SENP6: variants seen among roughly 807,000 people sequenced by gnomAD.
SENP6 encodes sentrin-specific protease 6.
SENP6 carries 41 observed loss-of-function variants against 134.5 expected under a neutral mutation model. The ratio of observed to expected loss-of-function variants is 0.30; its 90% CI spans 0.24 to 0.40. The LOEUF (loss-of-function observed/expected upper bound fraction) is 0.40. SENP6 is among the 10% of genes least tolerant of loss of function. The pLI is 1.00. For synonymous variants in SENP6, 395 were observed against 429.8 expected (o/e 0.92, Z 1.00); for missense variants, 1,248 against 1,312.5 (o/e 0.95, Z 0.76).
At chr6:75,645,976 A>G (rs1392662484) in intron 6 of SENP6, among the ~76,000 whole-genome samples, 1 of 152,238 alleles carries the variant, frequency 6.6e-6, no homozygotes, top group Non-Finnish European at 1.5e-5. Context: ...AAGATGGCTC[A>G]GTACACAAGT....
intron 18 of SENP6, among the ~76,000 whole-genome samples, chr6:75,699,637 G>T (rs1414226897): frequency 2.0e-5 from 3 of 151,800 alleles, no homozygotes; most frequent in Non-Finnish European, 4.4e-5. Context: ...ATAGGTGCAT[G>T]CTACCACGCC....
At chr6:75,622,538 G>A (rs1408066876) in intron 2 of SENP6, among the ~76,000 whole-genome samples, 1 of 152,148 alleles carries the variant, frequency 6.6e-6, no homozygotes, top group Non-Finnish European at 1.5e-5. Flanking sequence ...CAGCCTGGGC[G>A]ACAGAGTAAG....
At chr6:75,617,480 C>T (rs1335019249) in intron 1 of SENP6, among the ~76,000 whole-genome samples, 2 of 151,804 alleles carry the variant, frequency 1.3e-5, no homozygotes, top group African/African-American at 4.8e-5. Flanking sequence ...CCACGTTGGT[C>T]AGGCTGGTCT....
chr6:75,621,359 T>G (rs1419536642), intron 1 of SENP6, among the ~76,000 whole-genome samples, 173 bp from the exon 2 acceptor site: 3 of 152,224 alleles, frequency 2.0e-5, no homozygotes, highest in Non-Finnish European at 4.4e-5. Context: ...AAAAACAGAT[T>G]TTAATGTCTT....
At chr6:75,651,552 G>T (rs715091) in intron 7 of SENP6, among the ~76,000 whole-genome samples, 1 of 151,984 alleles carries the variant, frequency 6.6e-6, no homozygotes, top group African/African-American at 2.4e-5. Flanking sequence ...AGGTTTCACC[G>T]TGTTGCCCAG....
In SENP6 at chr6:75,713,540, C is replaced by G. The variant is rs374400367; in HGVS notation, c.2937C>G (p.Leu979=). Residue 979 remains leucine (L), a synonymous_variant, in exon 22 of 24, where the codon CTC becomes CTG. Coordinates refer to ENST00000447266, the MANE Select transcript of SENP6 (RefSeq NM_015571.4). Reference sequence around the variant, plus strand: ...CTTGTATCCTACTTATGGACTCACTCCGAGGCCCTTCTCGGTCAAATGTTG... The same window carrying G: ...CTTGTATCCTACTTATGGACTCACTGCGAGGCCCTTCTCGGTCAAATGTTG... ...KQPCILLMDS[L]RGPSRSNVVK... 1.2e-6 allele frequency: 2 copies of G among 1,613,758 alleles called. No individual in the cohort carries two copies.
chr6:75,706,300 A>AAAAAACAT, intron 19 of SENP6, among the ~76,000 whole-genome samples: 1 of 152,132 alleles, frequency 6.6e-6, no homozygotes, highest in Non-Finnish European at 1.5e-5. Context: ...TGCATATACT[A>AAAAAACAT]AAAAACATTA....
chr6:75,644,634 A>T (rs1407889334), intron 6 of SENP6, among the ~76,000 whole-genome samples: 2 of 152,054 alleles, frequency 1.3e-5, no homozygotes, highest in South Asian at 2.1e-4. Context: ...ACAGGCATGT[A>T]CCACCATGCC....
chr6:75,608,387 G>A (rs979999492), intron 1 of SENP6, among the ~76,000 whole-genome samples: 2 of 151,968 alleles, frequency 1.3e-5, no homozygotes, highest in African/African-American at 4.8e-5. Context: ...CTTGTTGCTC[G>A]AGCCCAGGAG....
chr6:75,705,644 C>T (rs1775339582), intron 19 of SENP6, among the ~76,000 whole-genome samples: 1 of 152,016 alleles, frequency 6.6e-6, no homozygotes, highest in Admixed American at 6.6e-5. Flanking sequence ...CTCCAACCTA[C>T]AAGTAAAATA....
At chr6:75,641,256 T>TTA (rs1770005886) in intron 6 of SENP6, among the ~76,000 whole-genome samples, 2 of 152,172 alleles carry the variant, frequency 1.3e-5, no homozygotes, top group African/African-American at 4.8e-5. Flanking sequence ...TCTATAATGG[T>TTA]TATATATATT....
chr6:75,711,256 G>A, intron 20 of SENP6, 72 bp from the exon 21 acceptor site: 2 of 1,052,398 alleles, frequency 1.9e-6, no homozygotes, highest in Non-Finnish European at 1.4e-6. Context: ...TGTCTCCAGT[G>A]TGCTATTTTG....
At chr6:75,612,366 T>A (rs1436928424) in intron 1 of SENP6, among the ~76,000 whole-genome samples, 1 of 152,188 alleles carries the variant, frequency 6.6e-6, no homozygotes, top group Non-Finnish European at 1.5e-5. Context: ...TAAGTTACGT[T>A]TTTCTCATAT....
At chr6:75,697,307 C>T (rs1412716655) in intron 17 of SENP6, 118 bp from the exon 18 acceptor site, 3 of 681,668 alleles carry the variant, frequency 4.4e-6, no homozygotes, top group Admixed American at 3.1e-5. Context: ...GTTTGTCAAA[C>T]CATTTTATGC....
intron 16 of SENP6, among the ~76,000 whole-genome samples, chr6:75,693,728 T>A (rs1774455842): frequency 1.3e-5 from 2 of 152,206 alleles, no homozygotes; most frequent in African/African-American, 2.4e-5. Context: ...GAATGTGCCC[T>A]CTAGGGGGCC....
intron 10 of SENP6, 48 bp from the exon 11 acceptor site, chr6:75,670,505 G>A (rs1390027096): frequency 1.4e-6 from 2 of 1,409,772 alleles, no homozygotes; most frequent in East Asian, 2.3e-5. Context: ...TTAGCTTGCA[G>A]CCTTATTTTA....
At chr6:75,694,335 CTCTT>C (rs1774507371) in intron 16 of SENP6, among the ~76,000 whole-genome samples, 1 of 152,236 alleles carries the variant, frequency 6.6e-6, no homozygotes, top group South Asian at 2.1e-4. Context: ...CAAGTTCTTT[CTCTT>C]TATTTTCTAT....
chr6:75,680,897 T>C (rs1271514370), intron 16 of SENP6, among the ~76,000 whole-genome samples: 1 of 152,164 alleles, frequency 6.6e-6, no homozygotes, highest in Non-Finnish European at 1.5e-5. Flanking sequence ...AGAGGAAGTC[T>C]GCTAAAACAC....
chr6:75,654,884 T>G (rs1186819344), intron 7 of SENP6: 1 of 152,330 alleles, frequency 6.6e-6, no homozygotes, highest in East Asian at 1.9e-4. Context: ...ATAGATATAA[T>G]TAACACTTTT....
Sources: gnomAD v4.1 joint callset for allele counts (sites outside exome capture counted in the v4.1 genomes callset) on GRCh38, gnomAD v4.1.1 for gene constraint, MANE v1.5 for transcripts, NCBI Gene and HGNC (gene_info 2026-07-23, HGNC 2026-07-21) for gene names.